Variants in JAZF1 observed in about 807,000 individuals in gnomAD.
JAZF1 encodes the protein juxtaposed with another zinc finger protein 1.
In JAZF1, 8 loss-of-function variants were observed where a neutral mutation model predicts 26.4. The ratio of observed to expected loss-of-function variants is 0.30; its 90% CI spans 0.18 to 0.55. The LOEUF (loss-of-function observed/expected upper bound fraction) is 0.55. Among genes scored for constraint, JAZF1 ranks in the 20% least tolerant of loss-of-function variants. The pLI is 0.94. For missense variants in JAZF1, 199 were observed against 322.0 expected (o/e 0.62, Z 2.92); for synonymous variants, 126 against 122.3 (o/e 1.03, Z -0.20).
intron 1 of JAZF1, among the ~76,000 whole-genome samples, chr7:28,098,752 CACTG>C (rs1278627163): frequency 6.6e-6 from 1 of 152,184 alleles, no homozygotes; most frequent in East Asian, 1.9e-4. Flanking sequence ...TAACCGCTAA[CACTG>C]ACTGTGTACT....
chr7:27,857,525 G>A (rs1037518939), intron 3 of JAZF1, among the ~76,000 whole-genome samples: 5 of 152,244 alleles, frequency 3.3e-5, no homozygotes, highest in Admixed American at 2.0e-4. Flanking sequence ...AGGAGGCGCC[G>A]AGAGCGAGCT....
chr7:28,090,762 C>T (rs1481679076), intron 1 of JAZF1, among the ~76,000 whole-genome samples: 1 of 150,874 alleles, frequency 6.6e-6, no homozygotes, highest in African/African-American at 2.4e-5. Context: ...CTGTCTTCCT[C>T]TTTTCCTATT....
intron 1 of JAZF1, among the ~76,000 whole-genome samples, chr7:28,082,400 T>A (rs1183047467): frequency 6.6e-6 from 1 of 152,206 alleles, no homozygotes; most frequent in Non-Finnish European, 1.5e-5. Context: ...ACTCTACTCC[T>A]GTGCAGGCTC....
chr7:28,128,777 C>G lies in JAZF1; in HGVS notation c.115+51686G>C, dbSNP rs185441051. On this transcript the variant is annotated intron_variant, in intron 1 of 4. Coordinates refer to ENST00000283928, the MANE Select transcript of JAZF1 (RefSeq NM_175061.4). ...CAAATTATTTCAATCAACAGGAAAC[C>G]AAGGATAGCTGCACTGTACCTCCTG... Among the ~76,000 whole-genome samples, 362 of 152,228 alleles carry G rather than the reference C, an allele frequency of 2.4e-3. 2 individuals are homozygous for G. The highest frequency in any genetic ancestry group is 8.3e-3 in the African/African-American group (344 of 41,528).
At chr7:28,092,316 A>AC (rs1562584262) in intron 1 of JAZF1, among the ~76,000 whole-genome samples, 4 of 139,960 alleles carry the variant, frequency 2.9e-5, no homozygotes, top group Non-Finnish European at 4.6e-5. Flanking sequence ...AAAAAAAAAA[A>AC]AAAAAAAAAA....
At chr7:27,899,701 T>C (rs989263972) in intron 2 of JAZF1, among the ~76,000 whole-genome samples, 3 of 152,116 alleles carry the variant, frequency 2.0e-5, no homozygotes, top group Admixed American at 6.5e-5. Context: ...GTTAGGATTA[T>C]AGGTGTGAGC....
chr7:28,149,311 A>G (rs1783072572), intron 1 of JAZF1, among the ~76,000 whole-genome samples: 1 of 152,198 alleles, frequency 6.6e-6, no homozygotes, highest in Non-Finnish European at 1.5e-5. Flanking sequence ...ATCAGACTGG[A>G]AAAAGTGCCA....
chr7:28,119,756 A>G (rs2127937151), intron 1 of JAZF1, among the ~76,000 whole-genome samples: 1 of 152,324 alleles, frequency 6.6e-6, no homozygotes, highest in Non-Finnish European at 1.5e-5. Context: ...TATTTACTGA[A>G]TACCCACTAC....
At chr7:27,938,102 T>C (rs1410940739) in intron 2 of JAZF1, among the ~76,000 whole-genome samples, 1 of 152,234 alleles carries the variant, frequency 6.6e-6, no homozygotes, top group Non-Finnish European at 1.5e-5. Flanking sequence ...TTTCTTTTTC[T>C]ATCACAAACA....
chr7:28,043,899 A>G (rs1023674175), intron 1 of JAZF1, among the ~76,000 whole-genome samples: 1 of 152,182 alleles, frequency 6.6e-6, no homozygotes, highest in African/African-American at 2.4e-5. Flanking sequence ...CAGATATAGT[A>G]TGATTCAACT....
chr7:28,163,166 C>T (rs1783318222), intron 1 of JAZF1, among the ~76,000 whole-genome samples: 1 of 152,226 alleles, frequency 6.6e-6, no homozygotes, highest in Non-Finnish European at 1.5e-5. Context: ...ACACATCAGC[C>T]TTATATGGCA....
intron 1 of JAZF1, among the ~76,000 whole-genome samples, chr7:28,125,146 CTTT>C (rs35830575): frequency 3.7e-5 from 5 of 136,156 alleles, no homozygotes; most frequent in Non-Finnish European, 4.7e-5. Flanking sequence ...GGGAAGATTG[CTTT>C]TTTTTTTTTT....
intron 1 of JAZF1, among the ~76,000 whole-genome samples, chr7:28,153,226 G>A (rs1354294619): frequency 6.6e-6 from 1 of 152,096 alleles, no homozygotes; most frequent in Non-Finnish European, 1.5e-5. Context: ...TGTCAGCCAG[G>A]AAGTGGGCTC....
intron 1 of JAZF1, among the ~76,000 whole-genome samples, chr7:28,170,867 G>A (rs528024266): frequency 1.4e-4 from 21 of 152,322 alleles, no homozygotes; most frequent in African/African-American, 4.3e-4. Flanking sequence ...GCCGGCCCTG[G>A]CTACCCCGGG....
At chr7:27,930,978 C>A (rs1380559325) in intron 2 of JAZF1, among the ~76,000 whole-genome samples, 2 of 152,196 alleles carry the variant, frequency 1.3e-5, no homozygotes, top group Non-Finnish European at 2.9e-5. Flanking sequence ...AAAATCACAT[C>A]TTTACTGAAT....
At chr7:27,873,329 C>G (rs1783618715) in intron 3 of JAZF1, among the ~76,000 whole-genome samples, 1 of 152,222 alleles carries the variant, frequency 6.6e-6, no homozygotes, top group South Asian at 2.1e-4. Flanking sequence ...TATCGCTCTT[C>G]TTTGATTGCA....
At chr7:27,860,606 A>G (rs1783362162) in intron 3 of JAZF1, among the ~76,000 whole-genome samples, 1 of 152,182 alleles carries the variant, frequency 6.6e-6, no homozygotes, top group African/African-American at 2.4e-5. Context: ...TGTCACAACA[A>G]CCCTTTTAGG....
chr7:28,151,899 A>G (rs1414414888), intron 1 of JAZF1, among the ~76,000 whole-genome samples: 1 of 152,186 alleles, frequency 6.6e-6, no homozygotes, highest in Admixed American at 6.5e-5. Flanking sequence ...GCCACAATTC[A>G]CTCTACTAGT....
chr7:28,151,400 TGGCTTG>T (rs1783110346), intron 1 of JAZF1, among the ~76,000 whole-genome samples: 1 of 151,404 alleles, frequency 6.6e-6, no homozygotes, highest in Admixed American at 6.6e-5. Flanking sequence ...CCACCATACC[TGGCTTG>T]GAGGGGGAAT....
Sources: allele counts gnomAD v4.1 joint callset (sites outside exome capture counted in the v4.1 genomes callset), GRCh38; gene constraint gnomAD v4.1.1; transcripts MANE v1.5; gene names NCBI Gene and HGNC (gene_info 2026-07-23, HGNC 2026-07-21).